Variants in SLC35F4 observed in about 807,000 individuals in gnomAD.
The protein encoded by SLC35F4 is solute carrier family 35 member F4.
In SLC35F4, 24 loss-of-function variants were observed where a neutral mutation model predicts 44.2. The ratio of observed to expected loss-of-function variants is 0.54; its 90% CI spans 0.39 to 0.76. The LOEUF (loss-of-function observed/expected upper bound fraction) is 0.76, where lower values mean the gene tolerates loss of function less well. Among genes scored for constraint, SLC35F4 ranks in the 30% least tolerant of loss-of-function variants. The pLI is 0.00. For synonymous variants in SLC35F4, 238 were observed against 223.6 expected (o/e 1.06, Z -0.57); for missense variants, 562 against 586.1 (o/e 0.96, Z 0.42).
intron 1 of SLC35F4, among the ~76,000 whole-genome samples, chr14:57,649,798 CCCCAAAA>C (rs1247899663): frequency 1.8e-4 from 5 of 28,046 alleles, no homozygotes; most frequent in Non-Finnish European, 7.1e-4. Flanking sequence ...TCACCAAATC[CCCCAAAA>C]TTTACCAAAG....
intron 1 of SLC35F4, among the ~76,000 whole-genome samples, chr14:57,759,449 G>A (rs553679532): frequency 5.3e-5 from 8 of 152,072 alleles, no homozygotes; most frequent in African/African-American, 1.7e-4. Context: ...GCATAGTGGT[G>A]CATGCCTGTG....
chr14:57,710,467 C>T (rs969948376), intron 1 of SLC35F4, among the ~76,000 whole-genome samples: 4 of 152,100 alleles, frequency 2.6e-5, no homozygotes, highest in African/African-American at 9.7e-5. Flanking sequence ...TAGGGCACTG[C>T]CTAGTAGAGC....
At chr14:57,773,823 C>T (rs567530782) in intron 1 of SLC35F4, among the ~76,000 whole-genome samples, 3 of 152,090 alleles carry the variant, frequency 2.0e-5, no homozygotes, top group Non-Finnish European at 4.4e-5. Context: ...CTCAGAAGTT[C>T]GTACTAACTC....
intron 1 of SLC35F4, among the ~76,000 whole-genome samples, chr14:57,690,760 G>A (rs2075207813): frequency 6.6e-6 from 1 of 151,842 alleles, no homozygotes; most frequent in South Asian, 2.1e-4. Context: ...CTCATAAGGA[G>A]TACACAATCT....
At chr14:57,571,605 C>T (rs915605507) in intron 5 of SLC35F4, among the ~76,000 whole-genome samples, 5 of 152,172 alleles carry the variant, frequency 3.3e-5, no homozygotes, top group Non-Finnish European at 7.3e-5. Flanking sequence ...TAAGTCTTGG[C>T]TCTATCACTA....
intron 1 of SLC35F4, among the ~76,000 whole-genome samples, chr14:57,758,963 C>T (rs1419809353): frequency 6.6e-6 from 1 of 152,124 alleles, no homozygotes; most frequent in African/African-American, 2.4e-5. Context: ...ATAAACACCT[C>T]ATATAAGTGG....
intron 1 of SLC35F4, among the ~76,000 whole-genome samples, chr14:57,913,386 T>C (rs1172541643): frequency 6.6e-6 from 1 of 152,116 alleles, no homozygotes; most frequent in Non-Finnish European, 1.5e-5. Flanking sequence ...GTGGTTTCAA[T>C]TAAGCATTTT....
intron 1 of SLC35F4, among the ~76,000 whole-genome samples, chr14:57,745,019 T>G (rs964699533): frequency 2.6e-5 from 4 of 152,190 alleles, no homozygotes; most frequent in African/African-American, 9.7e-5. Flanking sequence ...TAAATGGTGC[T>G]GGCTAGCCAT....
intron 1 of SLC35F4, among the ~76,000 whole-genome samples, chr14:57,637,740 A>G (rs1190684428): frequency 6.6e-6 from 1 of 152,108 alleles, no homozygotes; most frequent in Non-Finnish European, 1.5e-5. Context: ...ATTCCTGAGG[A>G]GACTAGGGCA....
chr14:57,717,641 AAG>A (rs1357361852), intron 1 of SLC35F4, among the ~76,000 whole-genome samples: 1 of 152,218 alleles, frequency 6.6e-6, no homozygotes, highest in African/African-American at 2.4e-5. Flanking sequence ...GTCTCAAAAA[AAG>A]AGTTTTTCCT....
rs75208308 is a variant in SLC35F4 at position 57,661,714 on chromosome 14, C to A, written c.104-67590G>T. Among the ~76,000 whole-genome samples the A allele has an allele frequency of 7.2e-5, 11 of 152,292 alleles. No homozygotes were observed. In the East Asian group the frequency reaches 2.1e-3, roughly 29 times the overall value. On this transcript the variant is annotated intron_variant, in intron 1 of 7. Coordinates refer to ENST00000556826, the MANE Select transcript of SLC35F4 (RefSeq NM_001306087.2). Reference sequence around the variant, plus strand: ...GATGGGGTCATAAGGGTCCCAAATTCTAGAGCTATGATTCTCAAACTTCAG... The same window carrying A: ...GATGGGGTCATAAGGGTCCCAAATTATAGAGCTATGATTCTCAAACTTCAG...
chr14:57,963,651 C>T (rs1017240799), intron 1 of SLC35F4, among the ~76,000 whole-genome samples: 16 of 150,460 alleles, frequency 1.1e-4, no homozygotes, highest in Admixed American at 2.7e-4. Flanking sequence ...AAGAGACAGA[C>T]GACCCAGGAC....
intron 1 of SLC35F4, among the ~76,000 whole-genome samples, chr14:57,935,785 G>C (rs1176224849): frequency 2.0e-5 from 3 of 152,124 alleles, no homozygotes; most frequent in Admixed American, 6.5e-5. Flanking sequence ...CACAATAATT[G>C]CTAATTTATT....
chr14:57,870,342 G>T (rs1289775023), upstream of SLC35F4, among the ~76,000 whole-genome samples: 1 of 152,064 alleles, frequency 6.6e-6, no homozygotes, highest in African/African-American at 2.4e-5. Context: ...CACGGACTTT[G>T]GAGCAGACTG....
At chr14:57,874,970 G>GAATAAATAAATAAATAAATA (rs148708016) in intron 1 of SLC35F4, among the ~76,000 whole-genome samples, 86 of 149,830 alleles carry the variant, frequency 5.7e-4, no homozygotes, top group African/African-American at 1.9e-3. Context: ...AGAGGCAGTG[G>GAATAAATAAATAAATAAATA]AATAAATAAA....
intron 1 of SLC35F4, among the ~76,000 whole-genome samples, chr14:57,655,148 C>T (rs1447679539): frequency 2.6e-5 from 4 of 152,002 alleles, no homozygotes; most frequent in Non-Finnish European, 2.9e-5. Context: ...GAACTGAGAG[C>T]CATCTCATAT....
chr14:57,900,972 C>G (rs7149866), intron 1 of SLC35F4, among the ~76,000 whole-genome samples: 18,384 of 152,168 alleles, frequency 0.12, 1,362 homozygotes, highest in East Asian at 0.4. Context: ...CCCACAATGA[C>G]ATACCATCTC....
chr14:57,978,411 A>G (rs888721743), intron 1 of SLC35F4, among the ~76,000 whole-genome samples: 1 of 152,172 alleles, frequency 6.6e-6, no homozygotes, highest in Non-Finnish European at 1.5e-5. Flanking sequence ...TGCTTACATA[A>G]TATCTGCCCT....
intron 1 of SLC35F4, among the ~76,000 whole-genome samples, chr14:57,728,441 C>CTT (rs869064667): frequency 4.8e-3 from 284 of 58,926 alleles, no homozygotes; most frequent in East Asian, 0.017. Flanking sequence ...TTCTTTCTTT[C>CTT]TTTTTTTTTT....
Sources: allele counts gnomAD v4.1 joint callset (sites outside exome capture counted in the v4.1 genomes callset), GRCh38; gene constraint gnomAD v4.1.1; transcripts MANE v1.5; gene names NCBI Gene and HGNC (gene_info 2026-07-23, HGNC 2026-07-21).